OXR1: variants seen among roughly 807,000 people sequenced by gnomAD.
OXR1 encodes the protein oxidation resistance protein 1.
In OXR1, 41 loss-of-function variants were observed where a neutral mutation model predicts 104.6. That is an observed-to-expected ratio of 0.39 (90% CI 0.31 to 0.51). OXR1 has a LOEUF of 0.51. OXR1 is among the 20% of genes least tolerant of loss of function. The pLI is 0.77. For missense variants in OXR1, 955 were observed against 1,031.9 expected, an observed-to-expected ratio of 0.93 and a Z score of 1.02; for synonymous variants, 348 against 348.4, an observed-to-expected ratio of 1.00 and a Z score of 0.01.
At chr8:106,733,377 AG>A (rs1231564285) in intron 11 of OXR1, among the ~76,000 whole-genome samples, 4 of 152,310 alleles carry the variant, frequency 2.6e-5, no homozygotes, top group African/African-American at 9.6e-5. Context: ...GGCTAGAGGT[AG>A]AGGTTTATCA....
intron 11 of OXR1, among the ~76,000 whole-genome samples, chr8:106,715,540 CCTAA>C (rs530489211): frequency 2.6e-5 from 4 of 151,464 alleles, no homozygotes; most frequent in South Asian, 2.1e-4. Flanking sequence ...AAGATACGTA[CCTAA>C]CTAAGGCAGC....
chr8:106,550,913 TA>T (rs924385281), intron 3 of OXR1, among the ~76,000 whole-genome samples: 1 of 152,214 alleles, frequency 6.6e-6, no homozygotes, highest in Non-Finnish European at 1.5e-5. Context: ...AAAGAACTGT[TA>T]AAATGTTTAA....
rs188167247 is a variant in OXR1, at chr8:106,574,199, T to C, written c.220+55060T>C. Reference sequence around the variant, plus strand: ...CAGTTAGGATACTAATTTGCTCCTATAAAAAAGCCCCAAAATGTTTATTTT... The same window carrying C: ...CAGTTAGGATACTAATTTGCTCCTACAAAAAAGCCCCAAAATGTTTATTTT... On this transcript the variant is annotated intron_variant, in intron 3 of 16. Coordinates refer to ENST00000517566, the MANE Select transcript of OXR1 (RefSeq NM_001198533.2). Among the ~76,000 whole-genome samples, 16 of 151,650 alleles carry C rather than the reference T, an allele frequency of 1.1e-4. No individual in the cohort carries two copies. The East Asian group carries it at 2.7e-3, about 26-fold the overall frequency.
intron 12 of OXR1, among the ~76,000 whole-genome samples, chr8:106,739,062 A>G (rs964147123): frequency 1.4e-5 from 2 of 145,622 alleles, no homozygotes; most frequent in African/African-American, 5.2e-5. Context: ...AAAGAATTCT[A>G]TTTTAAATAG....
chr8:106,713,929 G>A lies in OXR1; in HGVS notation c.1900G>A (p.Glu634Lys). 1.3e-6 allele frequency: 2 copies of A among 1,596,268 alleles called. No individual in the cohort carries two copies. Among genetic ancestry groups the A allele is most frequent in the East Asian group, 4.5e-5 (2 of 44,076 alleles). ...TGGATTTATAGTAGTAAAAAAGATT[G>A]AGGAGTCTGAAACAATTGAGGATTC... ...EPGFIVVKKIEESETIEDSSN... is the reference protein window; with the variant it reads ...EPGFIVVKKIKESETIEDSSN... The change falls in exon 11 of 17, where the codon GAG (glutamate) becomes AAG (lysine). Residue 634 changes from glutamate to lysine, a missense_variant. Physicochemically the swap from Glu to Lys is moderately conservative, Grantham distance 56. Transcript: ENST00000517566.
chr8:106,383,665 C>T (rs1302096161), intron 2 of OXR1, among the ~76,000 whole-genome samples: 1 of 152,168 alleles, frequency 6.6e-6, no homozygotes, highest in Non-Finnish European at 1.5e-5. Context: ...ACTCCAGCTT[C>T]ACATAGCTCA....
At chr8:106,632,506 A>G (rs575055103) in intron 3 of OXR1, among the ~76,000 whole-genome samples, 3 of 152,298 alleles carry the variant, frequency 2.0e-5, no homozygotes, top group South Asian at 2.1e-4. Context: ...TAAATGCTCT[A>G]CTATCTAATA....
chr8:106,277,301 C>G (rs954444801), intron 1 of OXR1, among the ~76,000 whole-genome samples: 1 of 152,144 alleles, frequency 6.6e-6, no homozygotes, highest in Non-Finnish European at 1.5e-5. Context: ...GGGCAAATTA[C>G]TTTCTACCTT....
intron 1 of OXR1, among the ~76,000 whole-genome samples, chr8:106,322,189 G>C (rs993608904): frequency 2.0e-5 from 3 of 152,182 alleles, no homozygotes; most frequent in Non-Finnish European, 4.4e-5. Context: ...ACATCAAAAA[G>C]TTAATCCAGT....
At chr8:106,533,729 T>C (rs1361652341) in intron 3 of OXR1, among the ~76,000 whole-genome samples, 1 of 151,052 alleles carries the variant, frequency 6.6e-6, no homozygotes, top group Non-Finnish European at 1.5e-5. Flanking sequence ...TTTTTTTTTT[T>C]TGGAGATGGA....
chr8:106,363,870 T>C (rs1816351989), intron 2 of OXR1, among the ~76,000 whole-genome samples: 1 of 152,226 alleles, frequency 6.6e-6, no homozygotes, highest in African/African-American at 2.4e-5. Context: ...TGCAACTACC[T>C]GGATTGTAGA....
At position 106,706,830 on chromosome 8, in the gene OXR1, A is replaced by G. The variant is rs747982781; in HGVS notation, c.1309A>G (p.Lys437Glu). ...TAACTTTCAAGGAATATCAGGTCCT[A>G]AAGAAGACAGCACAAGTATAAAAGG... ...ADNFQGISGP[K>E]EDSTSIKGNS... The change falls in exon 9 of 17, where the codon AAA (lysine) becomes GAA (glutamate). Residue 437 changes from lysine (K) to glutamate (E), a missense_variant. By Grantham distance (56) the Lys-to-Glu change is moderately conservative (BLOSUM62 1). This residue lies in a region of OXR1 where 849 missense variants were observed against 852.9 expected (regional missense o/e 1.00). Transcript: ENST00000517566. The G allele has an allele frequency of 3.1e-6, 5 of 1,612,740 alleles. No homozygotes were observed. Among genetic ancestry groups the G allele is most frequent in the South Asian group, 1.1e-5 (1 of 90,646 alleles).
chr8:106,683,050 AGT>A, intron 4 of OXR1, 147 bp from the exon 5 acceptor site: 1 of 499,452 alleles, frequency 2.0e-6, no homozygotes, highest in Non-Finnish European at 3.6e-6. Flanking sequence ...AACAAAACAC[AGT>A]GTTTCTTGAC....
intron 2 of OXR1, among the ~76,000 whole-genome samples, chr8:106,415,084 A>T: frequency 6.6e-6 from 1 of 152,124 alleles, no homozygotes; most frequent in East Asian, 1.9e-4. Flanking sequence ...GTAAACAAGT[A>T]TGTGAAGTGA....
intron 1 of OXR1, among the ~76,000 whole-genome samples, chr8:106,349,800 C>T (rs1425567675): frequency 2.0e-5 from 3 of 152,058 alleles, no homozygotes; most frequent in East Asian, 1.9e-4. Flanking sequence ...GGGAATAACA[C>T]GTCAACATCC....
intron 2 of OXR1, among the ~76,000 whole-genome samples, chr8:106,518,019 C>T (rs1283788992): frequency 1.3e-5 from 2 of 152,068 alleles, no homozygotes; most frequent in East Asian, 1.9e-4. Flanking sequence ...CCAGATGTCA[C>T]GTTGAAGCTA....
At chr8:106,708,615 T>A (rs1831385199) in intron 9 of OXR1, among the ~76,000 whole-genome samples, 1 of 152,208 alleles carries the variant, frequency 6.6e-6, no homozygotes, top group South Asian at 2.1e-4. Context: ...GAATTTCCTA[T>A]CTTTTTAAGG....
intron 3 of OXR1, among the ~76,000 whole-genome samples, chr8:106,520,765 G>A (rs527293902): frequency 3.9e-5 from 6 of 152,200 alleles, no homozygotes; most frequent in Admixed American, 2.0e-4. Flanking sequence ...CATGTCTGTC[G>A]CCTTCTATTG....
intron 2 of OXR1, among the ~76,000 whole-genome samples, chr8:106,373,351 A>C (rs1396937547): frequency 1.3e-5 from 2 of 152,184 alleles, no homozygotes; most frequent in Admixed American, 6.5e-5. Flanking sequence ...TAAACACAAA[A>C]GTGCATTAAA....
Sources: allele counts gnomAD v4.1 joint callset (sites outside exome capture counted in the v4.1 genomes callset), GRCh38; gene constraint gnomAD v4.1.1; regional missense constraint gnomAD v4.1.1; transcripts MANE v1.5; gene names NCBI Gene and HGNC (gene_info 2026-07-23, HGNC 2026-07-21).